The following MRPS28 variants were observed in gnomAD, a reference collection of about 807,000 sequenced individuals.
MRPS28 encodes small ribosomal subunit protein bS1m.
MRPS28 carries 7 observed loss-of-function variants against 10.8 expected under a neutral mutation model. That is an observed-to-expected ratio of 0.65 (90% CI 0.37 to 1.22). The LOEUF (loss-of-function observed/expected upper bound fraction) is 1.22, where lower values mean the gene tolerates loss of function less well. Among genes scored for constraint, MRPS28 ranks in the 50% most tolerant of loss-of-function variants. The pLI is 0.02. For synonymous variants in MRPS28, 121 were observed against 93.3 expected, an observed-to-expected ratio of 1.30 and a Z score of -1.71; for missense variants, 265 against 232.9, an observed-to-expected ratio of 1.14 and a Z score of -0.90.
At chr8:79,991,909 GCTCTCTCTCTCTCTCTCTCTCTCTCT>G (rs33936648) in intron 2 of MRPS28, among the ~76,000 whole-genome samples, 416 of 133,112 alleles carry the variant, frequency 3.1e-3, no homozygotes, top group Non-Finnish European at 5.1e-3. Flanking sequence ...CTTCCTCCTT[GCTCTCTCTCTCTCTCTCTCTCTCTCT>G]CTCTCTCTCT....
At chr8:79,944,917 A>G (rs1475094228) in intron 2 of MRPS28, among the ~76,000 whole-genome samples, 1 of 151,938 alleles carries the variant, frequency 6.6e-6, no homozygotes, top group African/African-American at 2.4e-5. Flanking sequence ...CTAGTCTCGA[A>G]TTCCTGAACT....
rs185987303 is a variant in MRPS28 at position 79,984,275 on chromosome 8, C to T, written c.395+18724G>A. 2.7e-4 allele frequency among the ~76,000 whole-genome samples: 41 copies of T among 152,294 alleles called. 2 individuals carry two copies. The East Asian group carries it at 7.7e-3, about 29-fold the overall frequency. ...GCCCTAAAAGAGCTCCTGAAGGAAG[C>T]ACTAAACATGGAAAGGAACAACCAG... On this transcript the variant is annotated intron_variant, in intron 2 of 2. Coordinates refer to ENST00000276585, the MANE Select transcript of MRPS28 (RefSeq NM_014018.3).
chr8:80,022,902 A>G (rs1345166866), intron 1 of MRPS28, among the ~76,000 whole-genome samples: 2 of 152,222 alleles, frequency 1.3e-5, no homozygotes, highest in African/African-American at 2.4e-5. Context: ...TTGGGAAGTC[A>G]TGAGTCTGAT....
chr8:79,993,825 G>C (rs1431024428), intron 2 of MRPS28, among the ~76,000 whole-genome samples: 1 of 152,100 alleles, frequency 6.6e-6, no homozygotes, highest in African/African-American at 2.4e-5. Context: ...GAAAACTTTA[G>C]TTTTTGAAAC....
chr8:79,981,083 C>T (rs1303111189), intron 2 of MRPS28, among the ~76,000 whole-genome samples: 1 of 152,202 alleles, frequency 6.6e-6, no homozygotes, highest in East Asian at 1.9e-4. Context: ...AAACCCAGCA[C>T]TCTGGGAGGC....
At chr8:79,948,134 T>A (rs1806975611) in intron 2 of MRPS28, among the ~76,000 whole-genome samples, 1 of 151,470 alleles carries the variant, frequency 6.6e-6, no homozygotes, top group Non-Finnish European at 1.5e-5. Context: ...GCTACAGATG[T>A]GCACCCCAAC....
intron 2 of MRPS28, among the ~76,000 whole-genome samples, chr8:79,988,478 C>T (rs528898589): frequency 1.6e-4 from 24 of 150,318 alleles, no homozygotes; most frequent in Middle Eastern, 3.4e-3. Context: ...AGAAACCTAA[C>T]TGTGATATAT....
intron 1 of MRPS28, among the ~76,000 whole-genome samples, chr8:80,009,422 TAATAAAA>T (rs1167014645): frequency 6.6e-6 from 1 of 151,178 alleles, no homozygotes; most frequent in African/African-American, 2.4e-5. Flanking sequence ...ATCTAAAGTA[TAATAAAA>T]AATAAATAAA....
intron 2 of MRPS28, among the ~76,000 whole-genome samples, chr8:79,967,889 A>G (rs1807541021): frequency 6.6e-6 from 1 of 152,154 alleles, no homozygotes; most frequent in Non-Finnish European, 1.5e-5. Flanking sequence ...ATATACTATT[A>G]ATATATGTGT....
At chr8:79,988,389 T>C (rs542993154) in intron 2 of MRPS28, among the ~76,000 whole-genome samples, 1 of 151,268 alleles carries the variant, frequency 6.6e-6, no homozygotes, top group Admixed American at 6.6e-5. Context: ...AACCTGCACA[T>C]TGTGCACATG....
At chr8:79,934,410 T>G (rs1279383200) in intron 2 of MRPS28, among the ~76,000 whole-genome samples, 1 of 152,064 alleles carries the variant, frequency 6.6e-6, no homozygotes, top group Non-Finnish European at 1.5e-5. Context: ...TGTAAGCAAT[T>G]AAAAGGCCAT....
At chr8:79,984,681 C>T (rs1808097937) in intron 2 of MRPS28, among the ~76,000 whole-genome samples, 1 of 152,028 alleles carries the variant, frequency 6.6e-6, no homozygotes, top group African/African-American at 2.4e-5. Flanking sequence ...ACAAAGAAGG[C>T]CATTACATAA....
At chr8:79,941,917 A>G (rs773535623) in intron 2 of MRPS28, among the ~76,000 whole-genome samples, 15 of 152,204 alleles carry the variant, frequency 9.9e-5, no homozygotes, top group Non-Finnish European at 1.9e-4. Context: ...GTTCATGCTC[A>G]TACTACTGAT....
At chr8:79,983,524 G>A (rs1205892146) in intron 2 of MRPS28, among the ~76,000 whole-genome samples, 2 of 152,080 alleles carry the variant, frequency 1.3e-5, no homozygotes, top group African/African-American at 4.8e-5. Context: ...TGAAAACTTT[G>A]AAAAAAATTT....
intron 2 of MRPS28, among the ~76,000 whole-genome samples, chr8:79,989,533 A>G (rs546724323): frequency 6.6e-6 from 1 of 152,278 alleles, no homozygotes; most frequent in South Asian, 2.1e-4. Context: ...GCAAAGCTAC[A>G]CTGTTTTTCT....
intron 1 of MRPS28, among the ~76,000 whole-genome samples, chr8:80,009,637 A>C (rs1808974766): frequency 6.6e-6 from 1 of 151,726 alleles, no homozygotes; most frequent in South Asian, 2.1e-4. Context: ...AAAAAGAAAG[A>C]AATTAGGCAT....
intron 2 of MRPS28, among the ~76,000 whole-genome samples, chr8:79,937,474 G>GAT (rs1226097139): frequency 1.3e-5 from 2 of 152,098 alleles, no homozygotes; most frequent in Non-Finnish European, 2.9e-5. Flanking sequence ...GTTTCATGAA[G>GAT]ATATAGCTAT....
intron 1 of MRPS28, among the ~76,000 whole-genome samples, chr8:80,011,614 A>G (rs895030775): frequency 6.6e-6 from 1 of 151,984 alleles, no homozygotes; most frequent in Admixed American, 6.6e-5. Context: ...TTAGTCGGGC[A>G]TGGTGGCATG....
intron 2 of MRPS28, among the ~76,000 whole-genome samples, chr8:79,932,451 C>T (rs535128515): frequency 2.7e-4 from 41 of 152,042 alleles, no homozygotes; most frequent in Non-Finnish European, 1.6e-4. Flanking sequence ...AGGGTAAAGT[C>T]GGTACGTTCA....
Sources: gnomAD v4.1 joint callset for allele counts (sites outside exome capture counted in the v4.1 genomes callset) on GRCh38, gnomAD v4.1.1 for gene constraint, MANE v1.5 for transcripts, NCBI Gene and HGNC (gene_info 2026-07-23, HGNC 2026-07-21) for gene names.